Variants in CRB1 observed in about 807,000 individuals in gnomAD.
The protein encoded by CRB1 is protein crumbs homolog 1.
CRB1 carries 83 observed loss-of-function variants against 120.0 expected under a neutral mutation model. The observed-to-expected ratio is 0.69, with a 90% CI of 0.58 to 0.83. CRB1 has a LOEUF of 0.83. CRB1 is among the 40% of genes least tolerant of loss of function. CRB1 has a pLI of 0.00. For missense variants in CRB1, 1,699 were observed against 1,687.6 expected (o/e 1.01, Z -0.12); for synonymous variants, 625 against 612.5 (o/e 1.02, Z -0.30).
chr1:197,228,068 G>A, the CRB1 span, among the ~76,000 whole-genome samples: 2 of 152,106 alleles, frequency 1.3e-5, no homozygotes, highest in Non-Finnish European at 1.5e-5. Context: ...TCCTGGGGCC[G>A]GGCCCATGAA....
Position 197,364,271 on chromosome 1 carries a change from C to T in CRB1, c.1171+7258C>T, listed in dbSNP as rs144941282. ...AAAGAAAAAGAAAAGTGGCGTTGCC[C>T]TATAGGTAATAGATTATTTCTATCT... On this transcript the variant is annotated intron_variant, in intron 5 of 11. Transcript: ENST00000367400. Among the ~76,000 whole-genome samples the T allele has an allele frequency of 9.2e-5, 14 of 152,248 alleles. 1 individual carries two copies. The East Asian group carries it at 2.7e-3, about 29-fold the overall frequency.
intron 1 of CRB1, among the ~76,000 whole-genome samples, chr1:197,308,057 A>T (rs1657277147): frequency 6.6e-6 from 1 of 151,372 alleles, no homozygotes; most frequent in Admixed American, 6.7e-5. Context: ...TTAATGGCAA[A>T]TAGGATAAAT....
At chr1:197,201,578 C>G in the CRB1 span, among the ~76,000 whole-genome samples, 9 of 152,204 alleles carry the variant, frequency 5.9e-5, no homozygotes, top group East Asian at 5.8e-4. Flanking sequence ...TGGCCTACCC[C>G]GATCGAAACC....
In CRB1 at chr1:197,284,020, G is replaced by T. The variant is rs552111568; in HGVS notation, c.70+15538G>T. On this transcript the variant is annotated intron_variant, in intron 1 of 11. Coordinates refer to ENST00000367400, the MANE Select transcript of CRB1 (RefSeq NM_201253.3). ...GTTTATTTCAATTATAAGCTATGTG[G>T]GTTTGAATCATTTTACTTAAATTCT... Among the ~76,000 whole-genome samples the T allele has an allele frequency of 4.6e-5, 7 of 151,840 alleles. No homozygotes were observed. The South Asian group carries it at 1.5e-3, about 32-fold the overall frequency.
At chr1:197,401,846 T>G (rs556145252) in intron 5 of CRB1, among the ~76,000 whole-genome samples, 59 of 152,252 alleles carry the variant, frequency 3.9e-4, no homozygotes, top group African/African-American at 1.3e-3. Context: ...GCACAGAATT[T>G]CAGGGTCTCA....
chr1:197,365,500 AG>A (rs1409901460), intron 5 of CRB1, among the ~76,000 whole-genome samples: 4 of 151,522 alleles, frequency 2.6e-5, no homozygotes, highest in South Asian at 2.1e-4. Context: ...GCCTCTGGGG[AG>A]GGGGGGAGAA....
intron 5 of CRB1, chr1:197,413,706 C>A (rs901724840): frequency 9.0e-6 from 2 of 222,508 alleles, no homozygotes; most frequent in African/African-American, 2.3e-5. Context: ...ATGTGTTAAG[C>A]AGGGATAGGA....
intron 5 of CRB1, among the ~76,000 whole-genome samples, chr1:197,386,348 A>G (rs2125407603): frequency 6.6e-6 from 1 of 152,244 alleles, no homozygotes; most frequent in South Asian, 2.1e-4. Context: ...ACATCTTTGT[A>G]TCTCTTATCA....
intron 11 of CRB1, among the ~76,000 whole-genome samples, chr1:197,474,152 G>A (rs1667104117): frequency 6.6e-6 from 1 of 152,176 alleles, no homozygotes; most frequent in Non-Finnish European, 1.5e-5. Flanking sequence ...ATATGTTTGT[G>A]TATTTGAGAA....
At chr1:197,327,259 A>G (rs1658572532) in intron 1 of CRB1, among the ~76,000 whole-genome samples, 1 of 152,226 alleles carries the variant, frequency 6.6e-6, no homozygotes, top group African/African-American at 2.4e-5. Flanking sequence ...GAAAAGATTG[A>G]TAATAAAAAC....
intron 5 of CRB1, among the ~76,000 whole-genome samples, chr1:197,412,742 C>A (rs574329440): frequency 6.6e-6 from 1 of 152,316 alleles, no homozygotes; most frequent in South Asian, 2.1e-4. Context: ...ATCTATTTTT[C>A]TTCACTATCA....
chr1:197,338,941 C>T (rs1345742467), intron 2 of CRB1, among the ~76,000 whole-genome samples: 3 of 152,030 alleles, frequency 2.0e-5, no homozygotes, highest in African/African-American at 4.8e-5. Flanking sequence ...AAGTGCATCT[C>T]GGTTCTAGAG....
intron 5 of CRB1, 33 bp from the exon 6 acceptor site, chr1:197,420,967 A>T (rs774193541): frequency 1.6e-6 from 2 of 1,266,924 alleles, no homozygotes; most frequent in Non-Finnish European, 1.2e-6. Flanking sequence ...ATGTGAATAT[A>T]TATAATTTTA....
At chr1:197,337,147 G>A (rs113303072) in intron 2 of CRB1, among the ~76,000 whole-genome samples, 197 of 152,216 alleles carry the variant, frequency 1.3e-3, no homozygotes, top group Non-Finnish European at 2.2e-3. Context: ...TAGGCTATGT[G>A]CCCTTATAAA....
intron 11 of CRB1, among the ~76,000 whole-genome samples, chr1:197,474,020 C>T (rs1053472677): frequency 6.6e-6 from 1 of 152,118 alleles, no homozygotes; most frequent in African/African-American, 2.4e-5. Context: ...CTGGGAATTG[C>T]AATATTAGGT....
intron 1 of CRB1, among the ~76,000 whole-genome samples, chr1:197,292,317 G>A (rs1364577055): frequency 6.6e-6 from 1 of 152,090 alleles, no homozygotes; most frequent in Non-Finnish European, 1.5e-5. Context: ...AGAAAATCTA[G>A]AAGAAATGGA....
chr1:197,373,470 TC>T (rs1342145824), intron 5 of CRB1, among the ~76,000 whole-genome samples: 1 of 152,130 alleles, frequency 6.6e-6, no homozygotes, highest in East Asian at 1.9e-4. Flanking sequence ...AAAATACACT[TC>T]AGGTTCATAA....
the CRB1 span, among the ~76,000 whole-genome samples, chr1:197,254,558 G>A: frequency 6.6e-6 from 1 of 151,950 alleles, no homozygotes; most frequent in Admixed American, 6.6e-5. Context: ...CTGTAGTGGT[G>A]ATAATTGAAT....
intron 5 of CRB1, among the ~76,000 whole-genome samples, chr1:197,359,640 T>C (rs1395791780): frequency 6.6e-6 from 1 of 152,216 alleles, no homozygotes; most frequent in Non-Finnish European, 1.5e-5. Context: ...GTTCCTATGA[T>C]AGTTTCAGGT....
Sources: allele counts gnomAD v4.1 joint callset (sites outside exome capture counted in the v4.1 genomes callset), GRCh38; gene constraint gnomAD v4.1.1; transcripts MANE v1.5; gene names NCBI Gene and HGNC (gene_info 2026-07-23, HGNC 2026-07-21).